RANBP2: variants seen among roughly 807,000 people sequenced by gnomAD.
The protein encoded by RANBP2 is E3 SUMO-protein ligase RanBP2.
Under a neutral mutation model 303.6 loss-of-function variants are expected in RANBP2, and 57 were observed. The ratio of observed to expected loss-of-function variants is 0.19; its 90% CI spans 0.15 to 0.23. RANBP2 has a LOEUF of 0.23. Among genes scored for constraint, RANBP2 ranks in the 10% least tolerant of loss-of-function variants. RANBP2 has a pLI of 1.00. For missense variants in RANBP2, 3,138 were observed against 3,780.8 expected (o/e 0.83, Z 4.46); for synonymous variants, 1,167 against 1,301.5 (o/e 0.90, Z 2.23).
chr2:109,541,517 G>A, the RANBP2 span, among the ~76,000 whole-genome samples: 1 of 152,146 alleles, frequency 6.6e-6, no homozygotes, highest in African/African-American at 2.4e-5. Flanking sequence ...CTAACCTTGT[G>A]AGGCCAAGCC....
At chr2:109,130,135 A>G in the RANBP2 span, 1 of 1,280,718 alleles carries the variant, frequency 7.8e-7, no homozygotes, top group South Asian at 2.5e-5. Flanking sequence ...TCTCGGCGGA[A>G]GTGGCCACGG....
the RANBP2 span, among the ~76,000 whole-genome samples, chr2:109,012,514 T>C: frequency 6.6e-6 from 1 of 152,078 alleles, no homozygotes; most frequent in East Asian, 1.9e-4. Context: ...TCTTGCTTCT[T>C]CAGTGGCCCC....
the RANBP2 span, among the ~76,000 whole-genome samples, chr2:109,094,754 C>A: frequency 2.0e-5 from 3 of 152,048 alleles, no homozygotes; most frequent in Admixed American, 6.6e-5. Context: ...CACTTCAACT[C>A]GAGAGGTGGA....
the RANBP2 span, among the ~76,000 whole-genome samples, chr2:109,693,338 G>A: frequency 6.6e-6 from 1 of 151,936 alleles, no homozygotes; most frequent in African/African-American, 2.4e-5. Flanking sequence ...ATGCCCAGCT[G>A]TTTTTTTCTA....
At chr2:109,405,980 C>A in the RANBP2 span, among the ~76,000 whole-genome samples, 6 of 152,232 alleles carry the variant, frequency 3.9e-5, no homozygotes, top group Non-Finnish European at 1.5e-5. Flanking sequence ...ACTGTGTGGC[C>A]TTCCCCAACT....
At chr2:108,870,731 G>A in the RANBP2 span, among the ~76,000 whole-genome samples, 1 of 152,172 alleles carries the variant, frequency 6.6e-6, no homozygotes, top group Admixed American at 6.5e-5. Flanking sequence ...AGGCACAAAA[G>A]GATATATCTT....
At chr2:109,298,405 G>A in the RANBP2 span, among the ~76,000 whole-genome samples, 3 of 152,126 alleles carry the variant, frequency 2.0e-5, no homozygotes, top group African/African-American at 7.2e-5. Context: ...AGTGATGGCT[G>A]CCCTAGTTCC....
At chr2:108,836,643 C>T in the RANBP2 span, among the ~76,000 whole-genome samples, 1 of 152,244 alleles carries the variant, frequency 6.6e-6, no homozygotes, top group East Asian at 1.9e-4. Context: ...ATCTGTAGAT[C>T]GCTTTGGGTA....
the RANBP2 span, among the ~76,000 whole-genome samples, chr2:109,043,637 A>G: frequency 6.6e-6 from 1 of 152,226 alleles, no homozygotes; most frequent in Non-Finnish European, 1.5e-5. Flanking sequence ...GCCTGGCCCG[A>G]ATGTATTTTT....
chr2:109,336,066 C>T, the RANBP2 span, among the ~76,000 whole-genome samples: 1 of 152,166 alleles, frequency 6.6e-6, no homozygotes, highest in Non-Finnish European at 1.5e-5. Flanking sequence ...CATTCCTCTC[C>T]CTACATTTTG....
chr2:109,320,660 A>G, the RANBP2 span, among the ~76,000 whole-genome samples: 4 of 152,346 alleles, frequency 2.6e-5, no homozygotes, highest in Admixed American at 6.5e-5. Context: ...CAATATGCAC[A>G]ACTGTTGTTC....
At chr2:109,404,971 C>G in the RANBP2 span, among the ~76,000 whole-genome samples, 2 of 151,944 alleles carry the variant, frequency 1.3e-5, no homozygotes, top group African/African-American at 2.4e-5. Context: ...CCCCTCCTGC[C>G]AGACCCTCTT....
chr2:109,644,044 C>A, the RANBP2 span, among the ~76,000 whole-genome samples: 1,351 of 152,020 alleles, frequency 8.9e-3, 27 homozygotes, highest in African/African-American at 0.031. Flanking sequence ...TCGCTTGAAC[C>A]CAGGAGGCGG....
the RANBP2 span, among the ~76,000 whole-genome samples, chr2:109,433,831 G>A: frequency 1.3e-5 from 2 of 152,190 alleles, no homozygotes; most frequent in African/African-American, 4.8e-5. Context: ...CTCAGGTGAT[G>A]CTCAGCAGGG....
chr2:108,751,216 C>G (rs752071453), intron 9 of RANBP2, 48 bp from the exon 10 acceptor site: 3 of 1,611,850 alleles, frequency 1.9e-6, no homozygotes, highest in East Asian at 2.2e-5. Flanking sequence ...ACTAATGGCA[C>G]AAGGAAAAAT....
chr2:108,995,571 C>T, the RANBP2 span, among the ~76,000 whole-genome samples: 1 of 152,200 alleles, frequency 6.6e-6, no homozygotes, highest in Non-Finnish European at 1.5e-5. Flanking sequence ...CTGCCTGCCA[C>T]CTCTTCCCAG....
intron 13 of RANBP2, 71 bp downstream of exon 13, chr2:108,753,230 A>G (rs1676044820): frequency 6.2e-7 from 1 of 1,607,814 alleles, no homozygotes; most frequent in Non-Finnish European, 8.5e-7. Flanking sequence ...ATAGAGCTAT[A>G]CACTGCTTAA....
In RANBP2 at chr2:108,731,413, A is replaced by G. The variant is rs745353229; in HGVS notation, c.344A>G (p.Lys115Arg). The G allele has an allele frequency of 9.2e-5, 148 of 1,611,488 alleles. No homozygotes were observed. Among genetic ancestry groups the G allele is most frequent in the Non-Finnish European group, 1.2e-4 (141 of 1,179,616 alleles). Reference sequence around the variant, plus strand: ...AATGATGTTACTGATGGAAGAGCAAAATACTGGCTTGAAAGAGCAGCCAAA... The same window carrying G: ...AATGATGTTACTGATGGAAGAGCAAGATACTGGCTTGAAAGAGCAGCCAAA... The part of the protein sequence containing the change: ...CKNDVTDGRA[K>R]YWLERAAKLF... The change falls in exon 4 of 29, where the codon AAA becomes AGA. Residue 115 changes from lysine to arginine, a missense_variant. Around this residue, in one of 20 missense-constraint regions of RANBP2, gnomAD observed 306 missense variants for 381.9 expected, o/e 0.80. Transcript: ENST00000283195.
chr2:109,383,553 C>T, the RANBP2 span, among the ~76,000 whole-genome samples: 2 of 152,166 alleles, frequency 1.3e-5, no homozygotes, highest in African/African-American at 4.8e-5. Context: ...CAGGCTTCTG[C>T]GGGCTGAGGC....
Sources: gnomAD v4.1 joint callset for allele counts (sites outside exome capture counted in the v4.1 genomes callset) on GRCh38, gnomAD v4.1.1 for gene constraint, gnomAD v4.1.1 regional missense constraint, MANE v1.5 for transcripts, NCBI Gene and HGNC (gene_info 2026-07-23, HGNC 2026-07-21) for gene names.